Variants in SS18L2 observed in about 807,000 individuals in gnomAD.
The protein encoded by SS18L2 is SS18 like 2.
Under a neutral mutation model 10.3 loss-of-function variants are expected in SS18L2, and 8 were observed. That is an observed-to-expected ratio of 0.78 (90% CI 0.46 to 1.41). The LOEUF is 1.41. Ranked by LOEUF, SS18L2 falls within the 40% of genes most tolerant of loss-of-function variation. The pLI, the probability that SS18L2 is intolerant of heterozygous loss-of-function variation, is 0.00. For missense variants in SS18L2, 100 were observed against 96.2 expected (o/e 1.04, Z -0.17); for synonymous variants, 41 against 34.6 (o/e 1.19, Z -0.65).
At chr3:42,587,320 C>G (rs541571048), upstream of SS18L2, 4 of 152,362 alleles carry the variant, frequency 2.6e-5, no homozygotes, top group East Asian at 5.8e-4. Context: ...CTTTATAAAC[C>G]TTTTCTTCTG....
At chr3:42,590,843 C>T, upstream of SS18L2, 2 of 1,577,308 alleles carry the variant, frequency 1.3e-6, no homozygotes, top group Non-Finnish European at 1.7e-6. Flanking sequence ...GAGCGTAGGC[C>T]CCACCTATCG....
chr3:42,594,797 G>T lies in SS18L2; in HGVS notation c.*288G>T. The T allele has an allele frequency of 4.3e-6, 1 of 235,224 alleles. No homozygotes were observed. The highest frequency in any genetic ancestry group is 8.3e-6 in the Non-Finnish European group (1 of 120,308). The allele number at this position is 235,224 out of a possible 1,614,324, so 14.6% of individuals were successfully genotyped here. ...TGTTTGGATAACAAAGACATCACTG[G>T]GATGTTCAAGTCTACTTTTTAGTTT... is the stretch of plus-strand genomic sequence containing the variant. On this transcript the variant is annotated 3_prime_UTR_variant, in exon 3 of 3. Transcript: ENST00000011691.
chr3:42,584,990 G>A (rs551489257), intron 1 of SS18L2, among the ~76,000 whole-genome samples: 53 of 152,106 alleles, frequency 3.5e-4, no homozygotes, highest in Admixed American at 7.9e-4. Context: ...TTAGCCGGGC[G>A]TGATGGTGGA....
At chr3:42,592,613 A>G (rs1189871817) in intron 2 of SS18L2, among the ~76,000 whole-genome samples, 1 of 152,262 alleles carries the variant, frequency 6.6e-6, no homozygotes, top group African/African-American at 2.4e-5. Flanking sequence ...ACCTTAATAG[A>G]ATAGTAGAGA....
rs1705019813 is a variant in SS18L2 at position 42,596,055 on chromosome 3, G to A, written c.*1546G>A. ...TTTGTTTTTGTTTTTTTTTGAGACG[G>A]AATCTCGCTCTGTCGGAGTGCAGTG... is the stretch of plus-strand genomic sequence containing the variant. On this transcript the variant is annotated 3_prime_UTR_variant, in exon 3 of 3. Coordinates refer to ENST00000011691, the MANE Select transcript of SS18L2 (RefSeq NM_001370300.1). Among the ~76,000 whole-genome samples the A allele has an allele frequency of 6.6e-6, 1 of 151,674 alleles. No individual in the cohort carries two copies. The highest frequency in any genetic ancestry group is 1.5e-5 in the Non-Finnish European group (1 of 67,904).
Position 42,595,948 on chromosome 3 carries a change from C to T in SS18L2, c.*1439C>T, listed in dbSNP as rs1226204250. Reference sequence around the variant, plus strand: ...GGTTGAGAACTGGGCACATGTTAATCTATGTTAGCACTAATGTGCTGAGGG... The same window carrying T: ...GGTTGAGAACTGGGCACATGTTAATTTATGTTAGCACTAATGTGCTGAGGG... On this transcript the variant is annotated 3_prime_UTR_variant, in exon 3 of 3. Transcript: ENST00000011691. Among the ~76,000 whole-genome samples the T allele has an allele frequency of 1.3e-5, 2 of 152,168 alleles. No homozygotes were observed. Among genetic ancestry groups the T allele is most frequent in the Non-Finnish European group, 2.9e-5 (2 of 68,014 alleles).
At chr3:42,584,680 G>A (rs1343397704) in intron 1 of SS18L2, among the ~76,000 whole-genome samples, 1 of 152,178 alleles carries the variant, frequency 6.6e-6, no homozygotes, top group Non-Finnish European at 1.5e-5. Context: ...TAGCCTCCAG[G>A]GTTCACCACC....
At position 42,596,696 on chromosome 3, in the gene SS18L2, C is replaced by T. The variant is rs1329345833; in HGVS notation, c.*2187C>T. Among the ~76,000 whole-genome samples the T allele has an allele frequency of 6.6e-6, 1 of 152,164 alleles. No homozygotes were observed. Among genetic ancestry groups the T allele is most frequent in the African/African-American group, 2.4e-5 (1 of 41,438 alleles). ...AATCATCTAAAATATAATTTCAAATCACAAGACAGAATAAAATAATCTTTG... is the reference window on the plus strand; with the variant it reads ...AATCATCTAAAATATAATTTCAAATTACAAGACAGAATAAAATAATCTTTG... On this transcript the variant is annotated 3_prime_UTR_variant, in exon 3 of 3. Coordinates refer to ENST00000011691, the MANE Select transcript of SS18L2 (RefSeq NM_001370300.1).
intron 2 of SS18L2, among the ~76,000 whole-genome samples, chr3:42,593,636 A>T (rs1426702844): frequency 6.6e-6 from 1 of 152,140 alleles, no homozygotes; most frequent in African/African-American, 2.4e-5. Flanking sequence ...ATCCATAGTA[A>T]AACAGATACC....
At chr3:42,589,627 A>C (rs1282987023), upstream of SS18L2, among the ~76,000 whole-genome samples, 2 of 152,224 alleles carry the variant, frequency 1.3e-5, no homozygotes, top group East Asian at 3.8e-4. Flanking sequence ...CAGCGGGAGC[A>C]TTAGATTCTC....
At chr3:42,591,200 C>CATTTTT in intron 1 of SS18L2, 1 of 460,074 alleles carries the variant, frequency 2.2e-6, no homozygotes, top group Non-Finnish European at 3.6e-6. Context: ...CCCTTTCTCT[C>CATTTTT]CTTTTTTTTT....
In SS18L2 at chr3:42,596,508, A is replaced by C. The variant is rs537852629; in HGVS notation, c.*1999A>C. On this transcript the variant is annotated 3_prime_UTR_variant, in exon 3 of 3. Transcript: ENST00000011691. ...TCTTCTTCATGATAAATCATGGACA[A>C]ATTAAGCCTGAGTTTGTAAACTCTT... 1.3e-5 allele frequency among the ~76,000 whole-genome samples: 2 copies of C among 152,270 alleles called. No individual in the cohort carries two copies. Among genetic ancestry groups the C allele is most frequent in the East Asian group, 3.9e-4 (2 of 5,184 alleles).
At chr3:42,587,019 C>G (rs1704635387), upstream of SS18L2, among the ~76,000 whole-genome samples, 3 of 152,194 alleles carry the variant, frequency 2.0e-5, no homozygotes, top group Non-Finnish European at 4.4e-5. Flanking sequence ...CACTTGATCA[C>G]TAAGGCCTGC....
chr3:42,582,973 C>T (rs1410599723), intron 1 of SS18L2, among the ~76,000 whole-genome samples: 1 of 152,088 alleles, frequency 6.6e-6, no homozygotes, highest in Non-Finnish European at 1.5e-5. Context: ...GTGAATGTAC[C>T]AAATGCCACA....
At chr3:42,592,050 A>T (rs985219749) in intron 2 of SS18L2, among the ~76,000 whole-genome samples, 4 of 152,204 alleles carry the variant, frequency 2.6e-5, no homozygotes, top group Non-Finnish European at 5.9e-5. Context: ...TGACACACAC[A>T]CAAAGACAAA....
At chr3:42,593,373 C>A (rs1406162469) in intron 2 of SS18L2, among the ~76,000 whole-genome samples, 4 of 152,160 alleles carry the variant, frequency 2.6e-5, no homozygotes, top group African/African-American at 9.7e-5. Flanking sequence ...GCCAAGATCA[C>A]GCCACTGCAC....
chr3:42,591,343 A>C (rs1697296359), intron 1 of SS18L2, 182 bp from the exon 2 acceptor site: 1 of 600,802 alleles, frequency 1.7e-6, no homozygotes, highest in African/African-American at 1.9e-5. Context: ...GGATTACAGG[A>C]GCGCGACGCC....
At position 42,582,009 on chromosome 3, in the gene SS18L2, A is replaced by C. The variant is rs552500800; in HGVS notation, c.-90+51A>C. 2.0e-5 allele frequency: 3 copies of C among 151,958 alleles called. No homozygotes were observed. The South Asian group carries it at 6.3e-4, about 32-fold the overall frequency. The allele number at this position is 151,958 out of a possible 1,614,324, so 9.4% of individuals were successfully genotyped here. On this transcript the variant is annotated intron_variant, in intron 1 of 3. Transcript: ENST00000447630. ...TCTTGAGCCACCCCACCTCCCCCCT[A>C]CCCCGCATTCGCTGCTGCTAAGCGA...
At position 42,596,453 on chromosome 3, in the gene SS18L2, C is replaced by T. The variant is rs1327373958; in HGVS notation, c.*1944C>T. On this transcript the variant is annotated 3_prime_UTR_variant, in exon 3 of 3. Transcript: ENST00000011691. ...ACTCTAAAAGGCTGAACCCCAGAAT[C>T]ATTACCTGAAAATTCGTACTACCAG... is the stretch of plus-strand genomic sequence containing the variant. Among the ~76,000 whole-genome samples, 4 of 152,222 alleles carry T rather than the reference C, an allele frequency of 2.6e-5. No homozygotes were observed. The highest frequency in any genetic ancestry group is 2.1e-4 in the South Asian group (1 of 4,836).
Sources: allele counts gnomAD v4.1 joint callset (sites outside exome capture counted in the v4.1 genomes callset), GRCh38; gene constraint gnomAD v4.1.1; transcripts MANE v1.5; gene names NCBI Gene and HGNC (gene_info 2026-07-23, HGNC 2026-07-21).